The following SGCZ variants were observed in gnomAD, a reference collection of about 807,000 sequenced individuals.
The protein encoded by SGCZ is zeta-sarcoglycan.
In SGCZ, 40 loss-of-function variants were observed where a neutral mutation model predicts 41.3. The observed-to-expected ratio is 0.97, with a 90% confidence interval of 0.75 to 1.26. The LOEUF (loss-of-function observed/expected upper bound fraction) is 1.26. Among genes scored for constraint, SGCZ ranks in the 50% most tolerant of loss-of-function variants. The probability of loss-of-function intolerance (pLI) is 0.00; values close to 1 mark genes in which losing one functional copy is unlikely to be tolerated. For missense variants in SGCZ, 552 were observed against 369.8 expected, an observed-to-expected ratio of 1.49 and a Z score of -4.04; for synonymous variants, 206 against 137.5, an observed-to-expected ratio of 1.50 and a Z score of -3.49.
intron 1 of SGCZ, among the ~76,000 whole-genome samples, chr8:15,024,014 A>T (rs1474179093): frequency 6.6e-6 from 1 of 152,260 alleles, no homozygotes; most frequent in African/African-American, 2.4e-5. Flanking sequence ...AAGTAATAAT[A>T]TTAGAAAAAG....
chr8:15,175,621 A>G (rs905982583), intron 1 of SGCZ, among the ~76,000 whole-genome samples: 1 of 152,014 alleles, frequency 6.6e-6, no homozygotes, highest in Non-Finnish European at 1.5e-5. Flanking sequence ...AATAATCTGT[A>G]TAACAAACCC....
At chr8:14,537,551 CTTTCT>C (rs988564351) in intron 2 of SGCZ, among the ~76,000 whole-genome samples, 4 of 135,068 alleles carry the variant, frequency 3.0e-5, no homozygotes, top group Non-Finnish European at 6.8e-5. Flanking sequence ...TCTTCTCTTT[CTTTCT>C]TTTCTTTTTT....
chr8:14,173,662 A>G (rs1804457206), intron 4 of SGCZ, among the ~76,000 whole-genome samples: 1 of 152,166 alleles, frequency 6.6e-6, no homozygotes, highest in African/African-American at 2.4e-5. Flanking sequence ...AAAAGCCAAT[A>G]CTGGAGATTA....
rs564584553 is a variant in SGCZ, at chr8:14,153,102, T to C, written c.547+11478A>G. Among the ~76,000 whole-genome samples the C allele has an allele frequency of 1.1e-4, 17 of 152,248 alleles. 1 individual carries two copies. In the East Asian group the frequency reaches 3.3e-3, roughly 29 times the overall value. On this transcript the variant is annotated intron_variant, in intron 5 of 7. Coordinates refer to ENST00000382080, the MANE Select transcript of SGCZ (RefSeq NM_139167.4). ...GGAACTGTTCTGTGTCTTAACTGGA[T>C]CAATGTCAGCATCCTAGTTGTAATA...
chr8:14,305,677 T>C (rs567572473), intron 3 of SGCZ, among the ~76,000 whole-genome samples: 1 of 152,296 alleles, frequency 6.6e-6, no homozygotes, highest in African/African-American at 2.4e-5. Flanking sequence ...TGATAGTCTT[T>C]GTGGTAGCTT....
At chr8:14,456,157 C>A (rs1298499752) in intron 2 of SGCZ, among the ~76,000 whole-genome samples, 2 of 152,044 alleles carry the variant, frequency 1.3e-5, no homozygotes, top group African/African-American at 4.8e-5. Context: ...ACCTGTAATC[C>A]CAGGACTTTG....
At chr8:14,129,269 C>T (rs1441635192) in intron 5 of SGCZ, among the ~76,000 whole-genome samples, 1 of 147,830 alleles carries the variant, frequency 6.8e-6, no homozygotes, top group Non-Finnish European at 1.5e-5. Flanking sequence ...TTGCTTGAAC[C>T]CAGGAGGCAG....
chr8:14,798,889 T>C (rs148903406), intron 1 of SGCZ, among the ~76,000 whole-genome samples: 132 of 151,440 alleles, frequency 8.7e-4, no homozygotes, highest in African/African-American at 3.1e-3. Context: ...AAATGCTTTT[T>C]AATATGTTAC....
At chr8:14,568,608 C>G (rs1005558855) in intron 1 of SGCZ, among the ~76,000 whole-genome samples, 1 of 152,000 alleles carries the variant, frequency 6.6e-6, no homozygotes, top group Admixed American at 6.6e-5. Context: ...GTCTTCCTAC[C>G]AGCAAACACA....
At chr8:14,477,822 C>T (rs1302204075) in intron 2 of SGCZ, among the ~76,000 whole-genome samples, 1 of 152,138 alleles carries the variant, frequency 6.6e-6, no homozygotes, top group African/African-American at 2.4e-5. Flanking sequence ...AATTTTTCAG[C>T]TGAGGTTTTA....
At chr8:15,201,244 T>G (rs1200808223) in intron 1 of SGCZ, among the ~76,000 whole-genome samples, 1 of 152,194 alleles carries the variant, frequency 6.6e-6, no homozygotes, top group South Asian at 2.1e-4. Flanking sequence ...CTCGAACTCC[T>G]GACCTCAAGT....
intron 1 of SGCZ, among the ~76,000 whole-genome samples, chr8:15,137,372 A>C (rs1254593600): frequency 6.6e-6 from 1 of 152,242 alleles, no homozygotes; most frequent in Non-Finnish European, 1.5e-5. Context: ...GGAGAAATTC[A>C]AGCCTGCTAC....
At chr8:14,933,085 A>G (rs1799965038) in intron 1 of SGCZ, among the ~76,000 whole-genome samples, 3 of 151,820 alleles carry the variant, frequency 2.0e-5, no homozygotes, top group Admixed American at 6.6e-5. Flanking sequence ...GGGCTGAAAA[A>G]CTGTTTTTCA....
intron 3 of SGCZ, among the ~76,000 whole-genome samples, chr8:14,269,435 C>T (rs1023712895): frequency 2.0e-5 from 3 of 151,890 alleles, no homozygotes; most frequent in Non-Finnish European, 4.4e-5. Flanking sequence ...TGCCTTCATA[C>T]TATTTTTAAT....
intron 4 of SGCZ, among the ~76,000 whole-genome samples, chr8:14,220,070 A>G (rs901569607): frequency 2.0e-5 from 3 of 152,192 alleles, no homozygotes; most frequent in Non-Finnish European, 2.9e-5. Flanking sequence ...CAAAAATGCA[A>G]TTACTATTGC....
intron 2 of SGCZ, among the ~76,000 whole-genome samples, chr8:14,363,924 C>A (rs1803613709): frequency 6.6e-6 from 1 of 152,018 alleles, no homozygotes; most frequent in Non-Finnish European, 1.5e-5. Flanking sequence ...CTGTTTCCTC[C>A]TTTGCCTTTT....
chr8:14,326,638 T>G lies in SGCZ; in HGVS notation c.235-2434A>C, dbSNP rs917499263. On this transcript the variant is annotated intron_variant, in intron 2 of 7. Transcript: ENST00000382080. Reference sequence around the variant, plus strand: ...TGTCAAAACTGATGCTGGAAATGCCTTACAGGAAACCAACCCAAAATGAAT... The same window carrying G: ...TGTCAAAACTGATGCTGGAAATGCCGTACAGGAAACCAACCCAAAATGAAT... Among the ~76,000 whole-genome samples the G allele has an allele frequency of 3.3e-5, 5 of 152,110 alleles. 1 individual carries two copies.
chr8:14,252,482 T>C (rs921332983), intron 3 of SGCZ, among the ~76,000 whole-genome samples: 2 of 152,150 alleles, frequency 1.3e-5, no homozygotes, highest in South Asian at 2.1e-4. Context: ...TTGTGAATAA[T>C]TGTTTCTGTT....
chr8:14,092,132 A>G (rs115383936), intron 7 of SGCZ, among the ~76,000 whole-genome samples: 18,674 of 151,950 alleles, frequency 0.12, 1,442 homozygotes, highest in Middle Eastern at 0.22. Context: ...GGTTGTAGAT[A>G]TCTAGTGTTA....
Sources: gnomAD v4.1 joint callset for allele counts (sites outside exome capture counted in the v4.1 genomes callset) on GRCh38, gnomAD v4.1.1 for gene constraint, MANE v1.5 for transcripts, NCBI Gene and HGNC (gene_info 2026-07-23, HGNC 2026-07-21) for gene names.